Variants in ROBO1 observed in about 807,000 individuals in gnomAD.
ROBO1 encodes the protein roundabout homolog 1.
ROBO1 carries 149 observed loss-of-function variants against 195.9 expected under a neutral mutation model. That is an observed-to-expected ratio of 0.76 (90% CI 0.67 to 0.87). The LOEUF (loss-of-function observed/expected upper bound fraction) is 0.87. ROBO1 is among the 40% of genes least tolerant of loss of function. The probability of loss-of-function intolerance (pLI) is 0.00; values close to 1 mark genes in which losing one functional copy is unlikely to be tolerated. For missense variants in ROBO1, 1,933 were observed against 2,068.3 expected (o/e 0.93, Z 1.27); for synonymous variants, 816 against 733.2 (o/e 1.11, Z -1.82).
At chr3:79,622,985 T>C (rs762009822) in intron 1 of ROBO1, among the ~76,000 whole-genome samples, 1 of 152,148 alleles carries the variant, frequency 6.6e-6, no homozygotes, top group African/African-American at 2.4e-5. Context: ...TTTGCTATTC[T>C]CCAGCCTCCT....
At chr3:78,965,318 C>T (rs1041172177) in intron 3 of ROBO1, among the ~76,000 whole-genome samples, 20 of 152,060 alleles carry the variant, frequency 1.3e-4, no homozygotes, top group African/African-American at 4.8e-4. Context: ...ACATTTTAAC[C>T]AGAAGCTTTT....
At chr3:78,765,251 G>A (rs1351432531) in intron 4 of ROBO1, among the ~76,000 whole-genome samples, 2 of 151,862 alleles carry the variant, frequency 1.3e-5, no homozygotes, top group Non-Finnish European at 2.9e-5. Flanking sequence ...ATTTGGAACT[G>A]GGTCCACCCT....
chr3:79,115,184 A>G (rs910505164), intron 3 of ROBO1, among the ~76,000 whole-genome samples: 5 of 152,182 alleles, frequency 3.3e-5, no homozygotes, highest in African/African-American at 7.2e-5. Flanking sequence ...GCACTGAAGT[A>G]TTCTATCATC....
At chr3:79,397,673 T>C (rs2037204590) in intron 2 of ROBO1, among the ~76,000 whole-genome samples, 1 of 152,208 alleles carries the variant, frequency 6.6e-6, no homozygotes, top group Non-Finnish European at 1.5e-5. Context: ...TGGGATATAG[T>C]ACACTTGACT....
chr3:78,919,048 G>A (rs1190456170), intron 4 of ROBO1, among the ~76,000 whole-genome samples: 3 of 152,144 alleles, frequency 2.0e-5, no homozygotes, highest in Admixed American at 6.5e-5. Flanking sequence ...ATGACATATC[G>A]ACAATATGTT....
chr3:79,513,117 CAAA>C (rs1469383758), intron 2 of ROBO1, among the ~76,000 whole-genome samples: 1 of 151,840 alleles, frequency 6.6e-6, no homozygotes, highest in Non-Finnish European at 1.5e-5. Flanking sequence ...AACAAATAGC[CAAA>C]AGGAAATATC....
intron 2 of ROBO1, among the ~76,000 whole-genome samples, chr3:79,531,121 C>T (rs1172205931): frequency 1.3e-5 from 2 of 152,152 alleles, no homozygotes; most frequent in Non-Finnish European, 2.9e-5. Context: ...CTGCATATCA[C>T]CTGACACTTG....
At chr3:78,904,080 T>C (rs2037748147) in intron 4 of ROBO1, among the ~76,000 whole-genome samples, 1 of 151,980 alleles carries the variant, frequency 6.6e-6, no homozygotes, top group Non-Finnish European at 1.5e-5. Flanking sequence ...GATATGAGTA[T>C]ATTAGTTAGA....
At chr3:78,636,150 G>C in intron 22 of ROBO1, 42 bp from the exon 23 acceptor site, 1 of 1,404,720 alleles carries the variant, frequency 7.1e-7, no homozygotes, top group East Asian at 2.3e-5. Flanking sequence ...CATTCTGCGT[G>C]GTTATTCCTT....
At chr3:78,737,367 G>A (rs565723841) in intron 5 of ROBO1, among the ~76,000 whole-genome samples, 101 of 152,234 alleles carry the variant, frequency 6.6e-4, no homozygotes, top group Non-Finnish European at 1.2e-3. Context: ...TCAAGATTTA[G>A]ATGACTAAAT....
At chr3:79,395,340 A>AAAAAAGAAAGAAAG (rs71631648) in intron 2 of ROBO1, among the ~76,000 whole-genome samples, 34 of 119,080 alleles carry the variant, frequency 2.9e-4, no homozygotes, top group African/African-American at 9.0e-4. Flanking sequence ...AAAAAAAAAA[A>AAAAAAGAAAGAAAG]AAAGAAAGAA....
At chr3:79,234,209 T>G (rs1417934213) in intron 2 of ROBO1, among the ~76,000 whole-genome samples, 1 of 152,106 alleles carries the variant, frequency 6.6e-6, no homozygotes, top group East Asian at 1.9e-4. Context: ...ACTTTTAAAT[T>G]TTTGTTTTTG....
At chr3:79,577,646 C>T (rs1047145378) in intron 2 of ROBO1, among the ~76,000 whole-genome samples, 6 of 151,802 alleles carry the variant, frequency 4.0e-5, no homozygotes, top group African/African-American at 7.3e-5. Flanking sequence ...GAGGCCAAGG[C>T]GGGCAGGTCA....
intron 17 of ROBO1, 106 bp downstream of exon 17, chr3:78,659,580 G>T: frequency 1.3e-6 from 1 of 792,532 alleles, no homozygotes; most frequent in Non-Finnish European, 1.7e-6. Flanking sequence ...ATTTGGACCA[G>T]CAGATGGCGC....
At chr3:79,097,170 C>T (rs2079586073) in intron 3 of ROBO1, among the ~76,000 whole-genome samples, 1 of 151,718 alleles carries the variant, frequency 6.6e-6, no homozygotes, top group Admixed American at 6.6e-5. Context: ...CACATGGAAC[C>T]ACTTGTGAAC....
chr3:79,152,127 G>A (rs2080783543), intron 2 of ROBO1, among the ~76,000 whole-genome samples: 1 of 151,768 alleles, frequency 6.6e-6, no homozygotes, highest in African/African-American at 2.4e-5. Flanking sequence ...GCAGTGCTAA[G>A]TGTACCATTC....
At chr3:79,465,162 C>T (rs1033751073) in intron 2 of ROBO1, among the ~76,000 whole-genome samples, 1 of 151,892 alleles carries the variant, frequency 6.6e-6, no homozygotes, top group African/African-American at 2.4e-5. Flanking sequence ...ATATTTTATG[C>T]ACTTACTATG....
intron 4 of ROBO1, among the ~76,000 whole-genome samples, chr3:78,807,427 GA>G (rs944097170): frequency 1.2e-4 from 18 of 151,530 alleles, no homozygotes; most frequent in African/African-American, 4.1e-4. Flanking sequence ...GGATTTCAGA[GA>G]AAAAAAAATT....
At chr3:79,588,355 A>G (rs1943895670) in intron 2 of ROBO1, among the ~76,000 whole-genome samples, 2 of 151,648 alleles carry the variant, frequency 1.3e-5, no homozygotes, top group African/African-American at 2.4e-5. Flanking sequence ...TCCTTCTTCC[A>G]CTAGACAGAC....
Sources: gnomAD v4.1 joint callset for allele counts (sites outside exome capture counted in the v4.1 genomes callset) on GRCh38, gnomAD v4.1.1 for gene constraint, MANE v1.5 for transcripts, NCBI Gene and HGNC (gene_info 2026-07-23, HGNC 2026-07-21) for gene names.